Variants in KLHDC4 observed in about 807,000 individuals in gnomAD.
The protein encoded by KLHDC4 is kelch domain containing 4.
KLHDC4 carries 90 observed loss-of-function variants against 62.4 expected under a neutral mutation model. That is an observed-to-expected ratio of 1.44 (90% CI 1.22 to 1.72). The LOEUF is 1.72. KLHDC4 is among the 40% of genes most tolerant of loss of function. The pLI, the probability that KLHDC4 is intolerant of heterozygous loss-of-function variation, is 0.00. For synonymous variants in KLHDC4, 386 were observed against 284.4 expected, an observed-to-expected ratio of 1.36 and a Z score of -3.59; for missense variants, 1,025 against 699.7, an observed-to-expected ratio of 1.47 and a Z score of -5.25.
intron 4 of KLHDC4, 129 bp downstream of exon 4, chr16:87,755,065 G>C (rs1369120947): frequency 5.0e-6 from 3 of 599,738 alleles, no homozygotes; most frequent in South Asian, 3.9e-5. Flanking sequence ...TGAGCAAACA[G>C]CAGAACCAGG....
intron 3 of KLHDC4, chr16:87,755,494 C>G (rs1241734423): frequency 4.4e-6 from 2 of 454,784 alleles, no homozygotes; most frequent in Non-Finnish European, 8.1e-6. Flanking sequence ...GCCCACCAGG[C>G]CCATCAATCT....
chr16:87,706,056 G>C (rs1476299592), downstream of KLHDC4, among the ~76,000 whole-genome samples: 2 of 151,388 alleles, frequency 1.3e-5, no homozygotes. Flanking sequence ...GGGAGGAGGG[G>C]TCGGCGGAAC....
chr16:87,760,825 G>A (rs2045772093), intron 2 of KLHDC4, among the ~76,000 whole-genome samples: 1 of 151,892 alleles, frequency 6.6e-6, no homozygotes, highest in African/African-American at 2.4e-5. Flanking sequence ...CTAAGGTCAG[G>A]AGTTCACGAC....
intron 4 of KLHDC4, among the ~76,000 whole-genome samples, chr16:87,753,869 G>A (rs1021106455): frequency 2.0e-5 from 3 of 151,216 alleles, no homozygotes; most frequent in East Asian, 1.9e-4. Flanking sequence ...GCTACTCAGC[G>A]GGCTGAAGCA....
At chr16:87,719,857 C>T (rs1179430247) in intron 7 of KLHDC4, among the ~76,000 whole-genome samples, 3 of 152,168 alleles carry the variant, frequency 2.0e-5, no homozygotes, top group African/African-American at 2.4e-5. Context: ...ACTTAGCATC[C>T]GGCTGAGACC....
chr16:87,730,477 C>T (rs2040150866), intron 6 of KLHDC4, 75 bp downstream of exon 6: 1 of 1,242,844 alleles, frequency 8.0e-7, no homozygotes, highest in Non-Finnish European at 1.1e-6. Flanking sequence ...CTTGTGTATT[C>T]AGAATGCTCT....
chr16:87,740,319 G>C (rs573803943), intron 5 of KLHDC4, among the ~76,000 whole-genome samples: 1 of 152,154 alleles, frequency 6.6e-6, no homozygotes, highest in African/African-American at 2.4e-5. Context: ...CACCGGCTCC[G>C]CTCTGCTCCC....
chr16:87,700,821 A>AG (rs1214991108), exon 1 of KLHDC4: 3 of 139,298 alleles, frequency 2.2e-5, no homozygotes, highest in East Asian at 2.9e-4. Flanking sequence ...TGCAGGGCAG[A>AG]GGGAGGAGGT....
At chr16:87,729,839 A>C (rs969278570) in intron 6 of KLHDC4, among the ~76,000 whole-genome samples, 2 of 152,256 alleles carry the variant, frequency 1.3e-5, no homozygotes, top group Admixed American at 6.5e-5. Context: ...GCTTGTTAAA[A>C]TGCAGATTCC....
intron 1 of KLHDC4, 50 bp downstream of exon 1, chr16:87,765,742 G>T: frequency 6.6e-7 from 1 of 1,520,928 alleles, no homozygotes; most frequent in Middle Eastern, 1.7e-4. Flanking sequence ...AGTCGGCCGA[G>T]GCTGCACGGC....
intron 5 of KLHDC4, among the ~76,000 whole-genome samples, chr16:87,743,254 C>T (rs1385039438): frequency 6.6e-6 from 1 of 152,100 alleles, no homozygotes; most frequent in Non-Finnish European, 1.5e-5. Context: ...TACACACACA[C>T]CAGCACACCT....
At chr16:87,705,454 T>C (rs1436285683), downstream of KLHDC4, among the ~76,000 whole-genome samples, 4 of 152,244 alleles carry the variant, frequency 2.6e-5, no homozygotes, top group Admixed American at 1.3e-4. Flanking sequence ...CTGATCCCCA[T>C]TGGTTCTGAT....
intron 7 of KLHDC4, among the ~76,000 whole-genome samples, chr16:87,723,363 T>C (rs540161558): frequency 6.6e-6 from 1 of 152,382 alleles, no homozygotes; most frequent in South Asian, 2.1e-4. Flanking sequence ...ACCGTCAGAC[T>C]GAGGGCGGGT....
In KLHDC4 at chr16:87,708,338, G is replaced by T; in HGVS notation, c.*1+12C>A. The T allele has an allele frequency of 6.4e-7, 1 of 1,555,702 alleles. No individual in the cohort carries two copies. Among genetic ancestry groups the T allele is most frequent in the Non-Finnish European group, 8.7e-7 (1 of 1,147,052 alleles). On this transcript the variant is annotated intron_variant, in intron 11 of 11. Transcript: ENST00000270583. ...CAGCAGCCGCGCCACCCGCCAGCCC[G>T]AGCCCGCTCACCTCAGTCCTCCGCA...
chr16:87,761,355 C>G (rs369634699), intron 2 of KLHDC4, among the ~76,000 whole-genome samples: 2 of 152,194 alleles, frequency 1.3e-5, no homozygotes, highest in African/African-American at 4.8e-5. Context: ...GGCTGAACCC[C>G]GGCTTCCACT....
intron 5 of KLHDC4, among the ~76,000 whole-genome samples, chr16:87,741,841 G>A (rs2042287025): frequency 2.0e-5 from 3 of 152,294 alleles, no homozygotes; most frequent in African/African-American, 7.2e-5. Flanking sequence ...ATCCTCGGCT[G>A]AAAAACCAAC....
intron 7 of KLHDC4, among the ~76,000 whole-genome samples, chr16:87,721,363 G>A (rs898389548): frequency 2.0e-5 from 3 of 146,702 alleles, no homozygotes; most frequent in African/African-American, 7.6e-5. Context: ...GCAGTGCGCC[G>A]AGATTGCCCC....
exon 1 of KLHDC4, chr16:87,698,701 A>ATCTT (rs2034005857): frequency 6.6e-6 from 1 of 152,220 alleles, no homozygotes; most frequent in African/African-American, 2.4e-5. Context: ...AGAGAATCGA[A>ATCTT]TCTTTAATTG....
intron 9 of KLHDC4, chr16:87,710,589 G>A (rs1319460534): frequency 6.6e-6 from 1 of 152,418 alleles, no homozygotes; most frequent in African/African-American, 2.4e-5. Context: ...TGTAGACTCT[G>A]CTTGGAGCAA....
Sources: gnomAD v4.1 joint callset for allele counts (sites outside exome capture counted in the v4.1 genomes callset) on GRCh38, gnomAD v4.1.1 for gene constraint, MANE v1.5 for transcripts, NCBI Gene and HGNC (gene_info 2026-07-23, HGNC 2026-07-21) for gene names.